Variants in CSNK2A2IP observed in about 807,000 individuals in gnomAD.
CSNK2A2IP encodes the protein casein kinase II subunit alpha'-interacting protein.
chr3:88,342,583 C>T, the CSNK2A2IP span, among the ~76,000 whole-genome samples: 1 of 151,580 alleles, frequency 6.6e-6, no homozygotes, highest in South Asian at 2.1e-4. Flanking sequence ...AATTAAACTC[C>T]TTTAAATGTA....
the CSNK2A2IP span, among the ~76,000 whole-genome samples, chr3:88,449,217 T>G: frequency 2.3e-3 from 356 of 152,324 alleles, 1 homozygote; most frequent in African/African-American, 8.2e-3. Context: ...CTTCAAAGCA[T>G]GGGCAAAACC....
the CSNK2A2IP span, among the ~76,000 whole-genome samples, chr3:88,455,525 A>T: frequency 3.3e-5 from 5 of 151,850 alleles, no homozygotes; most frequent in Non-Finnish European, 7.4e-5. Context: ...ACGTTTATTC[A>T]GGTCCTTTGC....
chr3:88,380,623 G>T, the CSNK2A2IP span, among the ~76,000 whole-genome samples: 24 of 151,860 alleles, frequency 1.6e-4, no homozygotes, highest in Non-Finnish European at 3.4e-4. Flanking sequence ...GCACTATTTA[G>T]ACATTAAGGC....
chr3:88,358,428 C>A, the CSNK2A2IP span, among the ~76,000 whole-genome samples: 1 of 152,036 alleles, frequency 6.6e-6, no homozygotes, highest in Non-Finnish European at 1.5e-5. Context: ...AAACTAAAGG[C>A]TTTCTGTTGT....
chr3:88,426,778 T>C, the CSNK2A2IP span, among the ~76,000 whole-genome samples: 18 of 151,712 alleles, frequency 1.2e-4, no homozygotes, highest in South Asian at 8.3e-4. Context: ...CCCAGTCCTA[T>C]GGAACTGTGA....
chr3:88,367,648 T>A, the CSNK2A2IP span, among the ~76,000 whole-genome samples: 1 of 152,050 alleles, frequency 6.6e-6, no homozygotes, highest in African/African-American at 2.4e-5. Context: ...GATCCCTAAG[T>A]CTGAACAGGT....
At chr3:88,393,539 A>G in the CSNK2A2IP span, among the ~76,000 whole-genome samples, 5 of 152,252 alleles carry the variant, frequency 3.3e-5, no homozygotes, top group Admixed American at 6.5e-5. Flanking sequence ...ACATACACAT[A>G]TTTATGTACT....
the CSNK2A2IP span, among the ~76,000 whole-genome samples, chr3:88,381,955 C>T: frequency 6.6e-6 from 1 of 152,144 alleles, no homozygotes; most frequent in African/African-American, 2.4e-5. Context: ...TAAAAAAGAA[C>T]TTAGAAGATA....
chr3:88,386,553 A>T, the CSNK2A2IP span, among the ~76,000 whole-genome samples: 1 of 152,204 alleles, frequency 6.6e-6, no homozygotes, highest in African/African-American at 2.4e-5. Flanking sequence ...TCAGGGAGTG[A>T]CTATAATGAT....
the CSNK2A2IP span, among the ~76,000 whole-genome samples, chr3:88,352,937 C>A: frequency 6.6e-6 from 1 of 152,088 alleles, no homozygotes; most frequent in African/African-American, 2.4e-5. Flanking sequence ...GAGACACATG[C>A]AAAGGGCCAA....
At chr3:88,428,966 A>C in the CSNK2A2IP span, among the ~76,000 whole-genome samples, 1 of 149,700 alleles carries the variant, frequency 6.7e-6, no homozygotes, top group African/African-American at 2.5e-5. Flanking sequence ...GGTCCAGCTT[A>C]TTTCCCCTTG....
chr3:88,449,741 T>C, the CSNK2A2IP span, among the ~76,000 whole-genome samples: 2 of 116,396 alleles, frequency 1.7e-5, no homozygotes, highest in East Asian at 2.4e-4. Flanking sequence ...ATAACTTTTT[T>C]CCAAATATAC....
the CSNK2A2IP span, among the ~76,000 whole-genome samples, chr3:88,361,062 T>C: frequency 6.6e-6 from 1 of 152,236 alleles, no homozygotes; most frequent in African/African-American, 2.4e-5. Context: ...GTTTTCTATC[T>C]CTTAAAATAT....
the CSNK2A2IP span, among the ~76,000 whole-genome samples, chr3:88,365,402 T>C: frequency 2.0e-5 from 3 of 152,172 alleles, no homozygotes; most frequent in East Asian, 3.9e-4. Flanking sequence ...GGTAAGACTA[T>C]GGGAATTTTT....
the CSNK2A2IP span, among the ~76,000 whole-genome samples, chr3:88,357,300 T>C: frequency 6.6e-6 from 1 of 152,156 alleles, no homozygotes; most frequent in Non-Finnish European, 1.5e-5. Flanking sequence ...GATAGGGGTT[T>C]AGTTTCATTC....
the CSNK2A2IP span, among the ~76,000 whole-genome samples, chr3:88,412,539 C>T: frequency 6.6e-6 from 1 of 151,954 alleles, no homozygotes; most frequent in Non-Finnish European, 1.5e-5. Flanking sequence ...TGGGTACTCA[C>T]ATGTACTTTT....
chr3:88,381,272 C>T, the CSNK2A2IP span, among the ~76,000 whole-genome samples: 33 of 152,278 alleles, frequency 2.2e-4, no homozygotes, highest in African/African-American at 7.2e-4. Flanking sequence ...CTGAGGTCTT[C>T]TCAAAGGGCA....
At chr3:88,373,757 CA>C in the CSNK2A2IP span, among the ~76,000 whole-genome samples, 1 of 150,744 alleles carries the variant, frequency 6.6e-6, no homozygotes, top group African/African-American at 2.4e-5. Flanking sequence ...ACAGAGCAAG[CA>C]AAAATAAGAA....
chr3:88,442,887 A>T, the CSNK2A2IP span, among the ~76,000 whole-genome samples: 1 of 152,004 alleles, frequency 6.6e-6, no homozygotes, highest in Non-Finnish European at 1.5e-5. Context: ...ATAATAAAAA[A>T]TTATTTATTA....
Sources: allele counts gnomAD v4.1 joint callset (sites outside exome capture counted in the v4.1 genomes callset), GRCh38; gene constraint gnomAD v4.1.1; transcripts MANE v1.5; gene names NCBI Gene and HGNC (gene_info 2026-07-23, HGNC 2026-07-21).